The following ZNF385D variants were observed in gnomAD, a reference collection of about 807,000 sequenced individuals.
The protein encoded by ZNF385D is zinc finger protein 385D.
Under a neutral mutation model 35.8 loss-of-function variants are expected in ZNF385D, and 15 were observed. The observed-to-expected ratio is 0.42, with a 90% CI of 0.28 to 0.64. The LOEUF (loss-of-function observed/expected upper bound fraction) is 0.64. ZNF385D is among the 30% of genes least tolerant of loss of function. The pLI, the probability that ZNF385D is intolerant of heterozygous loss-of-function variation, is 0.23. For missense variants in ZNF385D, 474 were observed against 494.6 expected, an observed-to-expected ratio of 0.96 and a Z score of 0.39; for synonymous variants, 212 against 186.8, an observed-to-expected ratio of 1.13 and a Z score of -1.10.
chr3:21,867,843 C>G (rs1697456845), intron 3 of ZNF385D, among the ~76,000 whole-genome samples: 1 of 151,954 alleles, frequency 6.6e-6, no homozygotes, highest in African/African-American at 2.4e-5. Flanking sequence ...TGTTCTCTAT[C>G]TAGTCACATG....
At chr3:22,356,249 AT>A (rs1559538562) in intron 2 of ZNF385D, among the ~76,000 whole-genome samples, 1 of 151,988 alleles carries the variant, frequency 6.6e-6, no homozygotes, top group Non-Finnish European at 1.5e-5. Context: ...ATTATTGGGC[AT>A]TTTAAAATGG....
chr3:21,975,064 T>C (rs1435503431), intron 3 of ZNF385D, among the ~76,000 whole-genome samples: 3 of 152,198 alleles, frequency 2.0e-5, no homozygotes, highest in Non-Finnish European at 2.9e-5. Flanking sequence ...ATACCACTGC[T>C]AGGTATGTAC....
chr3:21,789,848 T>C (rs2071853210), intron 3 of ZNF385D, among the ~76,000 whole-genome samples: 1 of 152,200 alleles, frequency 6.6e-6, no homozygotes, highest in Non-Finnish European at 1.5e-5. Context: ...TTCTACAACC[T>C]TTGTGTATGT....
intron 2 of ZNF385D, among the ~76,000 whole-genome samples, chr3:22,242,780 T>C (rs1699568751): frequency 1.3e-5 from 2 of 151,192 alleles, no homozygotes. Context: ...ATTTTAGTTT[T>C]GAAAAATCTA....
chr3:21,721,101 C>T (rs1043606112), intron 1 of ZNF385D, among the ~76,000 whole-genome samples: 3 of 151,416 alleles, frequency 2.0e-5, no homozygotes, highest in East Asian at 1.9e-4. Context: ...AAAGTTTATT[C>T]GAAAACATAC....
At chr3:22,109,086 C>T (rs946397476) in intron 3 of ZNF385D, among the ~76,000 whole-genome samples, 2 of 152,116 alleles carry the variant, frequency 1.3e-5, no homozygotes, top group African/African-American at 4.8e-5. Flanking sequence ...TTATTTGTCT[C>T]CATCTATAAT....
intron 3 of ZNF385D, among the ~76,000 whole-genome samples, chr3:21,994,585 A>G (rs1245888827): frequency 1.3e-5 from 2 of 152,050 alleles, no homozygotes; most frequent in Non-Finnish European, 2.9e-5. Flanking sequence ...GTGTTCCTTC[A>G]GAAATGTTAT....
intron 5 of ZNF385D, among the ~76,000 whole-genome samples, chr3:21,436,507 G>T (rs1041790888): frequency 3.9e-5 from 6 of 152,038 alleles, no homozygotes; most frequent in African/African-American, 7.2e-5. Flanking sequence ...AATTGTCCAG[G>T]TTCCATAGAT....
chr3:22,229,984 G>A (rs781380666), intron 2 of ZNF385D, among the ~76,000 whole-genome samples: 16 of 152,086 alleles, frequency 1.1e-4, no homozygotes, highest in Non-Finnish European at 2.2e-4. Flanking sequence ...CACCTTCTCT[G>A]CAGAAAGTAG....
At chr3:22,337,114 T>C in intron 2 of ZNF385D, among the ~76,000 whole-genome samples, 1 of 152,018 alleles carries the variant, frequency 6.6e-6, no homozygotes, top group East Asian at 1.9e-4. Flanking sequence ...GTCATTTCAA[T>C]GATGTTTTAT....
At position 21,423,704 on chromosome 3, in the gene ZNF385D, T is replaced by C. The variant is rs439263; in HGVS notation, c.954+259A>G. Among the ~76,000 whole-genome samples, 13,246 of 152,210 alleles carry C rather than the reference T, an allele frequency of 0.087. 725 individuals are homozygous for C. Among genetic ancestry groups the C allele is most frequent in the African/African-American group, 0.15 (6,105 of 41,502 alleles). On this transcript the variant is annotated intron_variant, in intron 7 of 7. Coordinates refer to ENST00000281523, the MANE Select transcript of ZNF385D (RefSeq NM_024697.3). ...TGTCTCTTAAACACATTAAAAAAGATATACATGAATTTGTTTTTTCCTGAC... is the reference window on the plus strand; with the variant it reads ...TGTCTCTTAAACACATTAAAAAAGACATACATGAATTTGTTTTTTCCTGAC...
intron 3 of ZNF385D, among the ~76,000 whole-genome samples, chr3:21,559,279 G>C (rs1370832180): frequency 6.6e-6 from 1 of 152,058 alleles, no homozygotes; most frequent in African/African-American, 2.4e-5. Flanking sequence ...TTACAATTTG[G>C]TATGTTTTTG....
chr3:21,510,471 G>A (rs1707118541), intron 4 of ZNF385D, among the ~76,000 whole-genome samples: 1 of 152,032 alleles, frequency 6.6e-6, no homozygotes, highest in East Asian at 1.9e-4. Flanking sequence ...AATTCATTTA[G>A]CATACTTTGC....
chr3:22,215,386 A>C (rs533257816), intron 2 of ZNF385D, among the ~76,000 whole-genome samples: 1 of 152,164 alleles, frequency 6.6e-6, no homozygotes, highest in Non-Finnish European at 1.5e-5. Context: ...TCTTTTTCTC[A>C]GCAAGGAACA....
At chr3:21,894,655 T>C (rs1004654577) in intron 3 of ZNF385D, among the ~76,000 whole-genome samples, 1 of 152,226 alleles carries the variant, frequency 6.6e-6, no homozygotes, top group Non-Finnish European at 1.5e-5. Context: ...TCATGGTATA[T>C]GGGCTCCCTC....
intron 3 of ZNF385D, among the ~76,000 whole-genome samples, chr3:22,038,672 C>T (rs532471535): frequency 6.6e-6 from 1 of 151,964 alleles, no homozygotes; most frequent in Non-Finnish European, 1.5e-5. Context: ...AATTCTAATT[C>T]TTTTGGATCT....
Position 21,664,890 on chromosome 3 carries a change from T to A in ZNF385D, c.161A>T (p.Asn54Ile), listed in dbSNP as rs375357785. 1.9e-6 allele frequency: 3 copies of A among 1,613,530 alleles called. No homozygotes were observed. In the South Asian group the frequency reaches 3.3e-5, roughly 18 times the overall value. Residue 54 changes from asparagine (N) to isoleucine (I), a missense_variant, in exon 2 of 8, where the codon AAT becomes ATT. Asn to Ile is a moderately radical substitution (Grantham distance 149). Coordinates refer to ENST00000281523, the MANE Select transcript of ZNF385D (RefSeq NM_024697.3). ...ACAAATTTGGCAGGTACTTACCGCA[T>A]TGAAATTGGGGAAGAGGTTGACTGC... ...AAAVNLFPNF[N>I]AMDPIQKAVI...
chr3:22,088,578 A>G (rs1456546526), intron 3 of ZNF385D, among the ~76,000 whole-genome samples: 2 of 152,206 alleles, frequency 1.3e-5, no homozygotes, highest in Non-Finnish European at 2.9e-5. Context: ...GACACCAACC[A>G]GAAGAGATCT....
intron 2 of ZNF385D, among the ~76,000 whole-genome samples, chr3:22,209,570 T>C (rs2125257862): frequency 6.6e-6 from 1 of 152,034 alleles, no homozygotes; most frequent in Non-Finnish European, 1.5e-5. Context: ...TTATTTTTGT[T>C]CCATGCACTG....
Sources: allele counts gnomAD v4.1 joint callset (sites outside exome capture counted in the v4.1 genomes callset), GRCh38; gene constraint gnomAD v4.1.1; transcripts MANE v1.5; gene names NCBI Gene and HGNC (gene_info 2026-07-23, HGNC 2026-07-21).